Variants in FOXN2 observed in about 807,000 individuals in gnomAD.
FOXN2 encodes forkhead box N2, also known as forkhead box protein N2.
FOXN2 carries 19 observed loss-of-function variants against 41.2 expected under a neutral mutation model. The ratio of observed to expected loss-of-function variants is 0.46; its 90% CI spans 0.32 to 0.68. The LOEUF (loss-of-function observed/expected upper bound fraction) is 0.68. Ranked by LOEUF, FOXN2 falls within the 30% of genes least tolerant of loss-of-function variation. The probability of loss-of-function intolerance (pLI) is 0.03; values close to 1 mark genes in which losing one functional copy is unlikely to be tolerated. For synonymous variants in FOXN2, 195 were observed against 176.8 expected (o/e 1.10, Z -0.82); for missense variants, 587 against 509.4 (o/e 1.15, Z -1.47).
intron 4 of FOXN2, among the ~76,000 whole-genome samples, chr2:48,361,866 C>T (rs982191346): frequency 6.6e-6 from 1 of 152,080 alleles, no homozygotes; most frequent in Non-Finnish European, 1.5e-5. Context: ...TACCTGTTTG[C>T]TATCACTACC....
intron 1 of FOXN2, among the ~76,000 whole-genome samples, chr2:48,315,129 C>A (rs78315108): frequency 6.6e-6 from 1 of 152,114 alleles, no homozygotes; most frequent in Non-Finnish European, 1.5e-5. Context: ...CGGCGGAAAC[C>A]GCGGCGAGGG....
Position 48,342,231 on chromosome 2 carries a change from TTCAAG to T in FOXN2, c.-14-3966_-14-3962del, listed in dbSNP as rs1670824658. Among the ~76,000 whole-genome samples the T allele has an allele frequency of 6.6e-5, 10 of 152,276 alleles. No individual in the cohort carries two copies. In the South Asian group the frequency reaches 2.1e-3, roughly 32 times the overall value. ...TAAGCTTTTTAATTTATTCACATTC[TTCAAG>T]TCAGTAATTTTTAATGGCTACTAAA... On this transcript the variant is annotated intron_variant, in intron 2 of 6. Transcript: ENST00000340553.
At chr2:48,340,422 A>G (rs971905915) in intron 2 of FOXN2, among the ~76,000 whole-genome samples, 2 of 152,130 alleles carry the variant, frequency 1.3e-5, no homozygotes, top group Admixed American at 6.5e-5. Flanking sequence ...TATATTTCTT[A>G]TCCTAGAGTA....
chr2:48,370,778 C>A (rs1672840080), intron 5 of FOXN2, among the ~76,000 whole-genome samples: 1 of 152,128 alleles, frequency 6.6e-6, no homozygotes, highest in South Asian at 2.1e-4. Flanking sequence ...TTGTTTCTTT[C>A]CTGTGCAGAA....
At chr2:48,371,445 C>G (rs893723440) in intron 5 of FOXN2, among the ~76,000 whole-genome samples, 1 of 151,898 alleles carries the variant, frequency 6.6e-6, no homozygotes, top group East Asian at 1.9e-4. Flanking sequence ...TCCAGGTTCT[C>G]TATTCTGTTC....
intron 2 of FOXN2, among the ~76,000 whole-genome samples, chr2:48,332,530 G>A (rs1046927431): frequency 2.0e-5 from 3 of 152,114 alleles, no homozygotes; most frequent in Non-Finnish European, 2.9e-5. Context: ...TGGCCACCTC[G>A]TCAGTGGATG....
chr2:48,350,074 C>T (rs1671356307), intron 3 of FOXN2, among the ~76,000 whole-genome samples: 1 of 152,194 alleles, frequency 6.6e-6, no homozygotes, highest in South Asian at 2.1e-4. Flanking sequence ...TGAATGAAGA[C>T]AGATGTACAG....
chr2:48,352,525 C>A (rs373600423), intron 3 of FOXN2, among the ~76,000 whole-genome samples: 1 of 152,132 alleles, frequency 6.6e-6, no homozygotes, highest in African/African-American at 2.4e-5. Context: ...CATTAATTCC[C>A]ATGGCTTAAT....
chr2:48,331,941 G>A (rs1250315525), intron 2 of FOXN2, among the ~76,000 whole-genome samples: 1 of 151,976 alleles, frequency 6.6e-6, no homozygotes, highest in Non-Finnish European at 1.5e-5. Context: ...CTGCTAGGCT[G>A]AAATTAACCG....
chr2:48,368,699 C>A, intron 5 of FOXN2, among the ~76,000 whole-genome samples: 1 of 152,198 alleles, frequency 6.6e-6, no homozygotes, highest in African/African-American at 2.4e-5. Context: ...TGATAAATAA[C>A]GAACGAATCA....
At chr2:48,321,113 A>C (rs1669285808) in intron 1 of FOXN2, among the ~76,000 whole-genome samples, 1 of 152,076 alleles carries the variant, frequency 6.6e-6, no homozygotes, top group Non-Finnish European at 1.5e-5. Flanking sequence ...TGTTCACTAC[A>C]TGTTATGGTC....
intron 5 of FOXN2, among the ~76,000 whole-genome samples, chr2:48,371,229 C>G (rs894885968): frequency 6.6e-6 from 1 of 152,118 alleles, no homozygotes; most frequent in Non-Finnish European, 1.5e-5. Context: ...GAAATTCCAT[C>G]TCTACTAAAA....
At chr2:48,355,259 C>T (rs903534925) in intron 3 of FOXN2, among the ~76,000 whole-genome samples, 2 of 151,794 alleles carry the variant, frequency 1.3e-5, no homozygotes, top group African/African-American at 4.8e-5. Context: ...TTTGAATGTT[C>T]AGAGAAAGGA....
intron 3 of FOXN2, among the ~76,000 whole-genome samples, chr2:48,352,512 T>A (rs527306581): frequency 1.3e-5 from 2 of 152,330 alleles, no homozygotes; most frequent in Non-Finnish European, 2.9e-5. Flanking sequence ...ATTTTCTTAA[T>A]CTCATTAATT....
intron 1 of FOXN2, among the ~76,000 whole-genome samples, chr2:48,327,746 G>T (rs1669774233): frequency 6.6e-6 from 1 of 152,178 alleles, no homozygotes; most frequent in South Asian, 2.1e-4. Flanking sequence ...TGTCCAGCTG[G>T]AGATAGTCTT....
intron 1 of FOXN2, among the ~76,000 whole-genome samples, chr2:48,323,742 T>A (rs1464808563): frequency 1.3e-5 from 2 of 152,206 alleles, no homozygotes; most frequent in Non-Finnish European, 2.9e-5. Context: ...AGGTCTCATT[T>A]GTCTGTTTTT....
At chr2:48,342,315 T>A (rs1285786770) in intron 2 of FOXN2, among the ~76,000 whole-genome samples, 1 of 152,090 alleles carries the variant, frequency 6.6e-6, no homozygotes, top group Non-Finnish European at 1.5e-5. Context: ...ATAGAAAATG[T>A]AAGTTGTTTA....
At chr2:48,344,163 C>T (rs1211593778) in intron 2 of FOXN2, among the ~76,000 whole-genome samples, 1 of 152,090 alleles carries the variant, frequency 6.6e-6, no homozygotes, top group African/African-American at 2.4e-5. Flanking sequence ...TGGTCACTTA[C>T]ATAGTACAGG....
chr2:48,319,013 A>G (rs993054113), intron 1 of FOXN2, among the ~76,000 whole-genome samples: 12 of 152,238 alleles, frequency 7.9e-5, no homozygotes, highest in African/African-American at 2.9e-4. Context: ...CCGAGTAGAT[A>G]CATTACTGTT....
Sources: gnomAD v4.1 joint callset for allele counts (sites outside exome capture counted in the v4.1 genomes callset) on GRCh38, gnomAD v4.1.1 for gene constraint, MANE v1.5 for transcripts, NCBI Gene and HGNC (gene_info 2026-07-23, HGNC 2026-07-21) for gene names.